The following TTC23L variants were observed in gnomAD, a reference collection of about 807,000 sequenced individuals.
The protein encoded by TTC23L is tetratricopeptide repeat domain 23 like.
Under a neutral mutation model 48.1 loss-of-function variants are expected in TTC23L, and 42 were observed. The observed-to-expected ratio is 0.87, with a 90% CI of 0.68 to 1.13. The LOEUF (loss-of-function observed/expected upper bound fraction) is 1.13. Ranked by LOEUF, TTC23L falls within the 50% of genes most tolerant of loss-of-function variation. The probability of loss-of-function intolerance (pLI) is 0.00; values close to 1 mark genes in which losing one functional copy is unlikely to be tolerated. For missense variants in TTC23L, 391 were observed against 421.0 expected (o/e 0.93, Z 0.62); for synonymous variants, 159 against 157.2 (o/e 1.01, Z -0.09).
At chr5:34,890,822 G>T (rs1445470372) in intron 9 of TTC23L, among the ~76,000 whole-genome samples, 1 of 152,008 alleles carries the variant, frequency 6.6e-6, no homozygotes. Context: ...GCCCGGGCTG[G>T]TCCAAACTTC....
At chr5:34,880,103 G>A in intron 8 of TTC23L, 78 bp from the exon 9 acceptor site, 1 of 1,516,176 alleles carries the variant, frequency 6.6e-7, no homozygotes, top group Non-Finnish European at 8.9e-7. Context: ...GCATGAAAAT[G>A]TCAATTGAGC....
the TTC23L span, chr5:34,925,223 T>TTA: frequency 3.1e-3 from 4,769 of 1,519,182 alleles, 6 homozygotes; most frequent in South Asian, 6.9e-3. Context: ...TTTTTTTTTT[T>TTA]AGCATCGGCG....
intron 6 of TTC23L, among the ~76,000 whole-genome samples, chr5:34,866,308 C>T (rs1761045283): frequency 6.6e-6 from 1 of 152,148 alleles, no homozygotes; most frequent in Non-Finnish European, 1.5e-5. Context: ...CTAAGTGCAG[C>T]TTTATATCTT....
chr5:34,850,126 C>T (rs1759543510), intron 3 of TTC23L, 59 bp from the exon 4 acceptor site: 1 of 1,591,128 alleles, frequency 6.3e-7, no homozygotes, highest in Admixed American at 1.7e-5. Flanking sequence ...AGTGATAAGT[C>T]CATGGGGTAG....
the TTC23L span, chr5:34,918,151 A>C: frequency 3.0e-6 from 1 of 334,372 alleles, no homozygotes; most frequent in African/African-American, 2.1e-5. Flanking sequence ...AAAAAAAAAA[A>C]AAAAAAAAAC....
At chr5:34,857,735 C>T (rs1267601696) in intron 4 of TTC23L, among the ~76,000 whole-genome samples, 1 of 152,092 alleles carries the variant, frequency 6.6e-6, no homozygotes, top group Non-Finnish European at 1.5e-5. Flanking sequence ...ATCCTTGCGA[C>T]AACTCTACAG....
chr5:34,846,572 A>AT (rs1561120137), intron 3 of TTC23L, among the ~76,000 whole-genome samples: 15 of 109,004 alleles, frequency 1.4e-4, no homozygotes, highest in Non-Finnish European at 3.4e-5. Context: ...AAAAAAAAAA[A>AT]AAAAATATAT....
intron 8 of TTC23L, among the ~76,000 whole-genome samples, chr5:34,879,581 T>C (rs1762080113): frequency 6.6e-6 from 1 of 152,358 alleles, no homozygotes; most frequent in East Asian, 1.9e-4. Flanking sequence ...GAGTTTAATA[T>C]GGTAGTTATT....
chr5:34,911,888 A>C, the TTC23L span: 1 of 1,504,884 alleles, frequency 6.6e-7, no homozygotes, highest in African/African-American at 1.4e-5. Flanking sequence ...TGATACATAA[A>C]ATTTCTCAAG....
At chr5:34,900,232 C>A (rs1338943097), downstream of TTC23L, among the ~76,000 whole-genome samples, 1 of 152,066 alleles carries the variant, frequency 6.6e-6, no homozygotes, top group Non-Finnish European at 1.5e-5. Context: ...TAACTGGGAG[C>A]CTTACTGATA....
chr5:34,911,418 G>C, the TTC23L span: 1 of 1,043,974 alleles, frequency 9.6e-7, no homozygotes, highest in South Asian at 1.7e-5. Context: ...AAAATTATGA[G>C]GTAAGAGTAC....
chr5:34,893,410 G>T (rs1428790976), intron 9 of TTC23L, among the ~76,000 whole-genome samples: 1 of 152,166 alleles, frequency 6.6e-6, no homozygotes, highest in Non-Finnish European at 1.5e-5. Flanking sequence ...GGAGCTCAAA[G>T]AAATGATTCT....
At chr5:34,846,576 A>AAAATATATAT (rs1208315692) in intron 3 of TTC23L, among the ~76,000 whole-genome samples, 1 of 98,346 alleles carries the variant, frequency 1.0e-5, no homozygotes, top group African/African-American at 6.3e-5. Flanking sequence ...AAAAAAAAAA[A>AAAATATATAT]ATATATATAT....
chr5:34,897,504 G>T (rs1763309408), intron 10 of TTC23L, among the ~76,000 whole-genome samples: 2 of 151,926 alleles, frequency 1.3e-5, no homozygotes, highest in African/African-American at 2.4e-5. Context: ...TTTTAAATTT[G>T]TAGTGACGAG....
chr5:34,881,751 G>A (rs541266614), intron 9 of TTC23L, among the ~76,000 whole-genome samples: 3 of 147,428 alleles, frequency 2.0e-5, no homozygotes, highest in South Asian at 4.3e-4. Flanking sequence ...GATATTTTCT[G>A]TTGGTTTAGA....
chr5:34,910,151 A>G, the TTC23L span, among the ~76,000 whole-genome samples: 1 of 152,120 alleles, frequency 6.6e-6, no homozygotes, highest in Admixed American at 6.5e-5. Context: ...CAGGTACTTA[A>G]AATTTAACAT....
At chr5:34,847,072 A>C (rs1305174929) in intron 3 of TTC23L, among the ~76,000 whole-genome samples, 1 of 152,202 alleles carries the variant, frequency 6.6e-6, no homozygotes, top group African/African-American at 2.4e-5. Context: ...ATTTATCAAC[A>C]GAAGAGCTTG....
At chr5:34,862,467 A>C (rs1760745487) in intron 4 of TTC23L, among the ~76,000 whole-genome samples, 2 of 152,160 alleles carry the variant, frequency 1.3e-5, no homozygotes, top group Admixed American at 1.3e-4. Context: ...TTCTATAATT[A>C]TTATTGTTGT....
chr5:34,919,463 G>T, the TTC23L span, among the ~76,000 whole-genome samples: 1 of 151,962 alleles, frequency 6.6e-6, no homozygotes, highest in Non-Finnish European at 1.5e-5. Flanking sequence ...CATAAAGTCA[G>T]TTTTCTTTGA....
Sources: allele counts gnomAD v4.1 joint callset (sites outside exome capture counted in the v4.1 genomes callset), GRCh38; gene constraint gnomAD v4.1.1; transcripts MANE v1.5; gene names NCBI Gene and HGNC (gene_info 2026-07-23, HGNC 2026-07-21).